MAD1L1: variants seen among roughly 807,000 people sequenced by gnomAD.
MAD1L1 encodes mitotic spindle assembly checkpoint protein MAD1.
MAD1L1 carries 95 observed loss-of-function variants against 96.9 expected under a neutral mutation model. That is an observed-to-expected ratio of 0.98 (90% CI 0.83 to 1.16). The LOEUF (loss-of-function observed/expected upper bound fraction) is 1.16. Among genes scored for constraint, MAD1L1 ranks in the 50% most tolerant of loss-of-function variants. The pLI is 0.00. For missense variants in MAD1L1, 1,007 were observed against 954.4 expected (o/e 1.06, Z -0.73); for synonymous variants, 473 against 396.6 (o/e 1.19, Z -2.29).
Position 1,996,526 on chromosome 7 carries a change from G to A in MAD1L1, c.1416+5539C>T, listed in dbSNP as rs148728087. 5.6e-3 allele frequency among the ~76,000 whole-genome samples: 860 copies of A among 152,304 alleles called. 15 individuals carry two copies. Among genetic ancestry groups the A allele is most frequent in the African/African-American group, 0.02 (821 of 41,566 alleles). ...CACGGGACCTGCCCTGCTCACGGTC[G>A]CCAGATTTCAGAATCTGTCTGTAAA... On this transcript the variant is annotated intron_variant, in intron 14 of 18. Transcript: ENST00000265854.
In MAD1L1 at chr7:2,011,087, G is replaced by C. The variant is rs557815728; in HGVS notation, c.1359+3415C>G. 2.0e-5 allele frequency among the ~76,000 whole-genome samples: 3 copies of C among 152,266 alleles called. No individual in the cohort carries two copies. The South Asian group carries it at 6.2e-4, about 32-fold the overall frequency. ...CAGGGGGTTCGGGGGGAGCACCTGG[G>C]CTCTGTGGGGTCAGGAGCCCTCCCC... On this transcript the variant is annotated intron_variant, in intron 13 of 18. Coordinates refer to ENST00000265854, the MANE Select transcript of MAD1L1 (RefSeq NM_001013836.2).
intron 17 of MAD1L1, among the ~76,000 whole-genome samples, chr7:1,905,476 C>T (rs1583728405): frequency 1.3e-5 from 2 of 150,774 alleles, no homozygotes; most frequent in Middle Eastern, 3.5e-3. Flanking sequence ...ATGGAAGACG[C>T]TCTTGCGGAA....
At chr7:1,979,714 G>A (rs73275252) in intron 15 of MAD1L1, among the ~76,000 whole-genome samples, 5,189 of 152,298 alleles carry the variant, frequency 0.034, 194 homozygotes, top group East Asian at 0.089. Context: ...CAGAGAGCTG[G>A]CAGCATGTCT....
intron 17 of MAD1L1, among the ~76,000 whole-genome samples, chr7:1,928,690 G>A (rs1789245025): frequency 6.6e-6 from 1 of 152,250 alleles, no homozygotes; most frequent in Admixed American, 6.5e-5. Context: ...ATTGCACGGT[G>A]TTTGTACTGA....
intron 16 of MAD1L1, among the ~76,000 whole-genome samples, chr7:1,952,777 C>A (rs575538550): frequency 6.6e-6 from 1 of 152,352 alleles, no homozygotes; most frequent in East Asian, 1.9e-4. Flanking sequence ...GCCCATCGTC[C>A]CGGTCCAGAG....
intron 10 of MAD1L1, among the ~76,000 whole-genome samples, chr7:2,158,624 AG>A (rs950046675): frequency 2.6e-5 from 4 of 152,228 alleles, no homozygotes; most frequent in Non-Finnish European, 5.9e-5. Context: ...TACAAACCAA[AG>A]GACAATCAGC....
At chr7:1,829,671 A>C (rs113486816) in intron 18 of MAD1L1, 1 of 151,970 alleles carries the variant, frequency 6.6e-6, no homozygotes, top group African/African-American at 2.4e-5. Context: ...AAATGTGTGG[A>C]AAAGTGTAAA....
chr7:1,829,566 G>C (rs185484669), intron 18 of MAD1L1: 4 of 152,208 alleles, frequency 2.6e-5, no homozygotes, highest in Non-Finnish European at 5.9e-5. Flanking sequence ...CAGAAGCCAC[G>C]AGCCAGTGAG....
intron 18 of MAD1L1, among the ~76,000 whole-genome samples, chr7:1,833,082 A>G (rs1782787627): frequency 1.3e-5 from 2 of 152,250 alleles, no homozygotes; most frequent in African/African-American, 4.8e-5. Flanking sequence ...AGCATTTTTA[A>G]GCAATAAAGT....
At chr7:2,003,063 A>G (rs888606082) in intron 13 of MAD1L1, among the ~76,000 whole-genome samples, 11 of 3,460 alleles carry the variant, frequency 3.2e-3, no homozygotes, top group Non-Finnish European at 6.8e-3. Flanking sequence ...CACACAGGAA[A>G]GTCCGGGAAG....
At chr7:2,093,047 C>T (rs1786294779) in intron 11 of MAD1L1, among the ~76,000 whole-genome samples, 1 of 151,234 alleles carries the variant, frequency 6.6e-6, no homozygotes, top group African/African-American at 2.4e-5. Flanking sequence ...ACCAGCCTGG[C>T]CAATATGGTG....
At chr7:2,172,504 G>A (rs1486507952) in intron 10 of MAD1L1, among the ~76,000 whole-genome samples, 1 of 152,196 alleles carries the variant, frequency 6.6e-6, no homozygotes, top group Non-Finnish European at 1.5e-5. Flanking sequence ...GGGCTCCTCT[G>A]GGAAAAGGCA....
At chr7:1,852,357 G>C (rs1474591234) in intron 18 of MAD1L1, among the ~76,000 whole-genome samples, 2 of 152,176 alleles carry the variant, frequency 1.3e-5, no homozygotes, top group African/African-American at 2.4e-5. Context: ...CTTGGGGCTG[G>C]TGTCTCTGCC....
intron 14 of MAD1L1, among the ~76,000 whole-genome samples, chr7:2,000,059 T>A (rs1165863063): frequency 6.6e-6 from 1 of 152,154 alleles, no homozygotes; most frequent in African/African-American, 2.4e-5. Flanking sequence ...GCAGAGCAGA[T>A]GGGCACCTCT....
rs1005831373 is a variant in MAD1L1 at position 2,142,662 on chromosome 7, A to G, written c.1073+6490T>C. Among the ~76,000 whole-genome samples, 1 of 152,256 alleles carries G rather than the reference A, an allele frequency of 6.6e-6. No individual in the cohort carries two copies. Among genetic ancestry groups the G allele is most frequent in the South Asian group, 2.1e-4 (1 of 4,834 alleles). On this transcript the variant is annotated intron_variant, in intron 11 of 18. Coordinates refer to ENST00000265854, the MANE Select transcript of MAD1L1 (RefSeq NM_001013836.2). This position sits in a 1 kb window ranked among gnomAD's most constrained non-coding sequence, Gnocchi z 4.7. ...TACATGGAGACAGCCCATTAGACTC[A>G]GGCTGATTCCACACCTTCTGCCAAA...
chr7:1,842,160 T>G (rs555618609), intron 18 of MAD1L1, among the ~76,000 whole-genome samples: 153 of 152,318 alleles, frequency 1.0e-3, no homozygotes, highest in African/African-American at 3.6e-3. Flanking sequence ...TTGTAGATCT[T>G]GTGTGTTTGA....
chr7:2,066,612 C>T (rs1784885367), intron 12 of MAD1L1, among the ~76,000 whole-genome samples: 1 of 152,216 alleles, frequency 6.6e-6, no homozygotes, highest in Non-Finnish European at 1.5e-5. Context: ...AAACTTCCTG[C>T]CCTGAGCGGG....
rs145176581 is a variant in MAD1L1, at chr7:1,944,310, G to A, written c.1597-7413C>T. 5.9e-5 allele frequency among the ~76,000 whole-genome samples: 9 copies of A among 152,308 alleles called. No homozygotes were observed. The East Asian group carries it at 9.6e-4, about 16-fold the overall frequency. ...AAGGGTGACGGTGGTTGCACTAGCC[G>A]TGGACATAAAAGTCGCTGAACTGCC... On this transcript the variant is annotated intron_variant, in intron 16 of 18. Coordinates refer to ENST00000265854, the MANE Select transcript of MAD1L1 (RefSeq NM_001013836.2).
chr7:2,137,080 G>A (rs1001688829), intron 11 of MAD1L1, among the ~76,000 whole-genome samples: 6 of 152,146 alleles, frequency 3.9e-5, no homozygotes, highest in Non-Finnish European at 5.9e-5. Context: ...TCTAGGCTCC[G>A]CTGTGGGGTG....
Sources: gnomAD v4.1 joint callset for allele counts (sites outside exome capture counted in the v4.1 genomes callset) on GRCh38, gnomAD v4.1.1 for gene constraint, Gnocchi (gnomAD v3.1) non-coding constraint, MANE v1.5 for transcripts, NCBI Gene and HGNC (gene_info 2026-07-23, HGNC 2026-07-21) for gene names.